CNTN5: variants seen among roughly 807,000 people sequenced by gnomAD.
CNTN5 encodes contactin-5.
Under a neutral mutation model 129.1 loss-of-function variants are expected in CNTN5, and 77 were observed. That is an observed-to-expected ratio of 0.60 (90% CI 0.50 to 0.72). The LOEUF (loss-of-function observed/expected upper bound fraction) is 0.72, where lower values mean the gene tolerates loss of function less well. CNTN5 is among the 30% of genes least tolerant of loss of function. The pLI, the probability that CNTN5 is intolerant of heterozygous loss-of-function variation, is 0.00. For synonymous variants in CNTN5, 509 were observed against 465.6 expected (o/e 1.09, Z -1.20); for missense variants, 1,478 against 1,328.8 (o/e 1.11, Z -1.75).
intron 15 of CNTN5, among the ~76,000 whole-genome samples, chr11:100,194,267 C>T (rs747218311): frequency 1.1e-4 from 16 of 151,812 alleles, no homozygotes; most frequent in Non-Finnish European, 2.2e-4. Context: ...AGTGCTTTAA[C>T]TCTAGAGAAG....
At chr11:99,175,077 T>G (rs1474206643) in intron 1 of CNTN5, among the ~76,000 whole-genome samples, 2 of 151,668 alleles carry the variant, frequency 1.3e-5, no homozygotes, top group African/African-American at 4.8e-5. Context: ...CTGCAAGATA[T>G]GAAAAAAGAA....
chr11:99,750,554 A>G (rs532974951), intron 3 of CNTN5, among the ~76,000 whole-genome samples: 4 of 152,066 alleles, frequency 2.6e-5, no homozygotes, highest in Middle Eastern at 3.4e-3. Flanking sequence ...GCTAAAAAAA[A>G]AAGCTACCAC....
intron 2 of CNTN5, among the ~76,000 whole-genome samples, chr11:99,429,910 C>T (rs1943293501): frequency 6.6e-6 from 1 of 151,544 alleles, no homozygotes; most frequent in East Asian, 1.9e-4. Context: ...AGCATATTAC[C>T]TAGCTGTCAC....
At chr11:99,787,879 A>G (rs1945592270) in intron 3 of CNTN5, among the ~76,000 whole-genome samples, 1 of 151,984 alleles carries the variant, frequency 6.6e-6, no homozygotes, top group Non-Finnish European at 1.5e-5. Context: ...CATGTAGCTA[A>G]CCAGACCATA....
intron 13 of CNTN5, among the ~76,000 whole-genome samples, chr11:100,149,620 C>A (rs1419593766): frequency 6.6e-6 from 1 of 151,862 alleles, no homozygotes; most frequent in Admixed American, 6.6e-5. Flanking sequence ...GGGCCAGGTG[C>A]GGTAGCTCAC....
At chr11:100,200,927 G>T (rs1424060761) in intron 15 of CNTN5, among the ~76,000 whole-genome samples, 1 of 151,794 alleles carries the variant, frequency 6.6e-6, no homozygotes, top group East Asian at 1.9e-4. Context: ...TTCCAATGTT[G>T]TTTTTCCATT....
chr11:100,024,999 C>T (rs1218468906), intron 9 of CNTN5, among the ~76,000 whole-genome samples: 2 of 152,190 alleles, frequency 1.3e-5, no homozygotes, highest in Non-Finnish European at 2.9e-5. Context: ...ACTTTTATAG[C>T]TAATGGGAAG....
intron 2 of CNTN5, among the ~76,000 whole-genome samples, chr11:99,387,812 C>T (rs923983417): frequency 1.3e-5 from 2 of 152,128 alleles, no homozygotes; most frequent in African/African-American, 4.8e-5. Context: ...TTGGCTTTTA[C>T]CATGCTGTTG....
chr11:100,195,431 T>C (rs1297867776), intron 15 of CNTN5, among the ~76,000 whole-genome samples: 1 of 152,010 alleles, frequency 6.6e-6, no homozygotes, highest in African/African-American at 2.4e-5. Flanking sequence ...TACCTTTTTT[T>C]CCATGAAGTT....
At chr11:99,980,636 C>T (rs1437772116) in intron 8 of CNTN5, among the ~76,000 whole-genome samples, 2 of 152,150 alleles carry the variant, frequency 1.3e-5, no homozygotes, top group Non-Finnish European at 2.9e-5. Flanking sequence ...CATTAAATAG[C>T]AGTTCCCAGT....
intron 2 of CNTN5, among the ~76,000 whole-genome samples, chr11:99,518,671 T>A (rs1225325469): frequency 6.6e-6 from 1 of 152,136 alleles, no homozygotes; most frequent in Non-Finnish European, 1.5e-5. Context: ...GGTCTTCCAT[T>A]GTTTCTTATT....
intron 3 of CNTN5, among the ~76,000 whole-genome samples, chr11:99,636,258 G>A (rs1951549548): frequency 6.6e-6 from 1 of 151,942 alleles, no homozygotes; most frequent in Non-Finnish European, 1.5e-5. Context: ...AGATTGGGTG[G>A]CCTAGCCAAA....
chr11:100,046,895 T>G (rs11222517), intron 9 of CNTN5, among the ~76,000 whole-genome samples: 18,335 of 150,500 alleles, frequency 0.12, 1,335 homozygotes, highest in Middle Eastern at 0.27. Context: ...TATCCTAGTG[T>G]TTTTCCAGGA....
intron 3 of CNTN5, among the ~76,000 whole-genome samples, chr11:99,782,510 G>C (rs907728819): frequency 6.6e-6 from 1 of 151,290 alleles, no homozygotes; most frequent in African/African-American, 2.4e-5. Flanking sequence ...AAAAGAGCCC[G>C]CATTGCCAAG....
chr11:100,234,357 C>T (rs1048395083), intron 16 of CNTN5, among the ~76,000 whole-genome samples: 1 of 152,140 alleles, frequency 6.6e-6, no homozygotes, highest in East Asian at 1.9e-4. Flanking sequence ...ATGTTTATTG[C>T]AGCACTAGTC....
At chr11:99,809,842 A>G (rs1353193267) in intron 3 of CNTN5, among the ~76,000 whole-genome samples, 1 of 152,170 alleles carries the variant, frequency 6.6e-6, no homozygotes, top group Non-Finnish European at 1.5e-5. Context: ...AAACACACAG[A>G]GAATAGGAAA....
intron 13 of CNTN5, among the ~76,000 whole-genome samples, chr11:100,148,021 A>T (rs1284673221): frequency 1.3e-5 from 2 of 151,926 alleles, no homozygotes; most frequent in Non-Finnish European, 2.9e-5. Flanking sequence ...TAACCCCTTT[A>T]TCTCATTCAT....
chr11:99,623,664 A>C (rs1445932272), intron 3 of CNTN5, among the ~76,000 whole-genome samples: 4 of 150,700 alleles, frequency 2.7e-5, no homozygotes, highest in African/African-American at 9.7e-5. Context: ...AGGGAGGCAT[A>C]GTTCCATAAA....
intron 3 of CNTN5, among the ~76,000 whole-genome samples, chr11:99,748,233 A>T (rs1437372611): frequency 2.0e-5 from 3 of 152,114 alleles, no homozygotes; most frequent in African/African-American, 7.2e-5. Context: ...ATGAGTTTGT[A>T]AGCATTCCCT....
Sources: allele counts gnomAD v4.1 joint callset (sites outside exome capture counted in the v4.1 genomes callset), GRCh38; gene constraint gnomAD v4.1.1; transcripts MANE v1.5; gene names NCBI Gene and HGNC (gene_info 2026-07-23, HGNC 2026-07-21).